UGT1A9: variants seen among roughly 807,000 people sequenced by gnomAD.
The protein encoded by UGT1A9 is UDP glucuronosyltransferase family 1 member A9.
A neutral mutation model predicts 45.0 loss-of-function variants in UGT1A9; 35 were observed. The observed-to-expected ratio is 0.78, with a 90% CI of 0.59 to 1.03. UGT1A9 has a LOEUF of 1.03. Among genes scored for constraint, UGT1A9 ranks in the 50% least tolerant of loss-of-function variants. The pLI is 0.00. For synonymous variants in UGT1A9, 278 were observed against 250.6 expected, an observed-to-expected ratio of 1.11 and a Z score of -1.03; for missense variants, 687 against 666.6, an observed-to-expected ratio of 1.03 and a Z score of -0.34.
In UGT1A9 at chr2:233,713,489, G is replaced by A. The variant is rs17868332; in HGVS notation, c.855+40700G>A. On this transcript the variant is annotated intron_variant, in intron 1 of 4. Transcript: ENST00000354728. ...CGGCGGTGCTGGCTAAGTACCTGTC[G>A]ATTCCTGCTGTGTTTTTCTTGAGGA... 26 of 1,613,820 alleles carry A rather than the reference G, an allele frequency of 1.6e-5. No individual in the cohort carries two copies. In the Admixed American group the frequency reaches 2.0e-4, roughly 12 times the overall value.
rs745434750 is a variant in UGT1A9, at chr2:233,672,662, A to G, written c.728A>G (p.Asp243Gly). ...CTCCAAACACCTGTTACGGAGTATGATCTCTACAGCCACACATCAATTTGG... is the reference window on the plus strand; with the variant it reads ...CTCCAAACACCTGTTACGGAGTATGGTCTCTACAGCCACACATCAATTTGG... Reference protein sequence around the residue: ...EILQTPVTEYDLYSHTSIWLL... With the variant: ...EILQTPVTEYGLYSHTSIWLL... Residue 243 changes from aspartate (D) to glycine (G), a missense_variant, in exon 1 of 5, where the codon GAT becomes GGT. Transcript: ENST00000354728. The G allele has an allele frequency of 8.1e-6, 13 of 1,613,884 alleles. No individual in the cohort carries two copies. Among genetic ancestry groups the G allele is most frequent in the East Asian group, 2.2e-5 (1 of 44,882 alleles).
intron 1 of UGT1A9, chr2:233,755,466 T>C: frequency 4.1e-6 from 1 of 241,540 alleles, no homozygotes; most frequent in Non-Finnish European, 8.3e-6. Context: ...CCCTGCTCTC[T>C]GTGAGGCTCT....
In UGT1A9 at chr2:233,725,191, CAGAGGCAGAGGCAGAGGCAGAGGCAGA is replaced by C. The variant is rs1559370256; in HGVS notation, c.856-41842_856-41816del. 1.2e-4 allele frequency among the ~76,000 whole-genome samples: 9 copies of C among 75,260 alleles called. 2 individuals are homozygous for C. Among genetic ancestry groups the C allele is most frequent in the South Asian group, 1.2e-3 (2 of 1,722 alleles). 49.4% of individuals were successfully genotyped at this position (75,260 alleles called of 152,430 possible). A position where few individuals can be genotyped will look rare whatever the true frequency, so the allele number is the denominator to read the frequency against. On this transcript the variant is annotated intron_variant, in intron 1 of 4. Coordinates refer to ENST00000354728, the MANE Select transcript of UGT1A9 (RefSeq NM_021027.3). Reference sequence around the variant, plus strand: ...GGGAGACCGTGGGGAGAGGCAGAGGCAGAGGCAGAGGCAGAGGCAGAGGCAGAGGAGGCAGAGGCAGAGGAGGCAGAG... The same window carrying C: ...GGGAGACCGTGGGGAGAGGCAGAGGCGGAGGCAGAGGCAGAGGAGGCAGAG...
At chr2:233,717,241 C>T (rs1043328555) in intron 1 of UGT1A9, among the ~76,000 whole-genome samples, 3 of 152,144 alleles carry the variant, frequency 2.0e-5, no homozygotes, top group African/African-American at 7.2e-5. Flanking sequence ...AAGATGCAGA[C>T]AGTTTTAAGG....
chr2:233,754,768 C>T, intron 1 of UGT1A9: 1 of 1,017,180 alleles, frequency 9.8e-7, no homozygotes, highest in Non-Finnish European at 1.4e-6. Context: ...CCCCCACTTC[C>T]CAGGGAGCCA....
rs2074809604 is a variant in UGT1A9, at chr2:233,686,880, C to T, written c.855+14091C>T. ...TCTTTCCTTTCTGTCACTTTTTCTG[C>T]ATGATTCCTGCCCCAGAGGGGTCAA... On this transcript the variant is annotated intron_variant, in intron 1 of 4. Transcript: ENST00000354728. Among the ~76,000 whole-genome samples the T allele has an allele frequency of 2.0e-5, 3 of 152,168 alleles. No homozygotes were observed. In the South Asian group the frequency reaches 6.2e-4, roughly 32 times the overall value.
intron 1 of UGT1A9, among the ~76,000 whole-genome samples, chr2:233,718,521 C>T (rs879860533): frequency 7.2e-5 from 11 of 152,180 alleles, no homozygotes; most frequent in Non-Finnish European, 1.5e-4. Flanking sequence ...AATGGGTGTC[C>T]ACAGCCTTGT....
intron 1 of UGT1A9, chr2:233,740,870 A>G (rs528081181): frequency 3.3e-5 from 5 of 151,856 alleles, no homozygotes; most frequent in Non-Finnish European, 7.3e-5. Context: ...TTCTTTAAAT[A>G]AAATGCTCTT....
intron 1 of UGT1A9, among the ~76,000 whole-genome samples, chr2:233,679,814 T>C (rs1281333604): frequency 1.3e-5 from 2 of 152,192 alleles, no homozygotes; most frequent in East Asian, 1.9e-4. Flanking sequence ...CTTTAAGTTG[T>C]CATAAAATGA....
Position 233,722,490 on chromosome 2 carries a change from A to G in UGT1A9, c.856-44544A>G, listed in dbSNP as rs147045039. Among the ~76,000 whole-genome samples the G allele has an allele frequency of 2.3e-3, 357 of 152,016 alleles. 2 individuals are homozygous for G. Among genetic ancestry groups the G allele is most frequent in the East Asian group, 0.02 (103 of 5,174 alleles). ...ATTTGTATATTCTTTTCACTGTTTC[A>G]TTTTCCGTTTCGTTAATTGCAGCTT... On this transcript the variant is annotated intron_variant, in intron 1 of 4. Coordinates refer to ENST00000354728, the MANE Select transcript of UGT1A9 (RefSeq NM_021027.3).
intron 1 of UGT1A9, among the ~76,000 whole-genome samples, chr2:233,725,807 A>G (rs2077476703): frequency 6.6e-6 from 1 of 152,102 alleles, no homozygotes; most frequent in Non-Finnish European, 1.5e-5. Context: ...CTTAAAATCC[A>G]TTTTATTGGA....
At chr2:233,678,006 T>C (rs941610830) in intron 1 of UGT1A9, among the ~76,000 whole-genome samples, 2 of 152,154 alleles carry the variant, frequency 1.3e-5, no homozygotes, top group Non-Finnish European at 2.9e-5. Context: ...AATGAAATCA[T>C]GTCCTTTGTA....
At chr2:233,705,423 T>C (rs935031731) in intron 1 of UGT1A9, among the ~76,000 whole-genome samples, 2 of 152,256 alleles carry the variant, frequency 1.3e-5, no homozygotes, top group Non-Finnish European at 2.9e-5. Context: ...CAGAGGTGGC[T>C]CATAACTTAT....
intron 1 of UGT1A9, among the ~76,000 whole-genome samples, chr2:233,677,488 G>T (rs2074391808): frequency 6.6e-6 from 1 of 152,070 alleles, no homozygotes; most frequent in South Asian, 2.1e-4. Flanking sequence ...CACATAGTTT[G>T]TATGTTATTA....
At chr2:233,759,284 T>G (rs1280598347) in intron 1 of UGT1A9, among the ~76,000 whole-genome samples, 1 of 152,192 alleles carries the variant, frequency 6.6e-6, no homozygotes, top group Non-Finnish European at 1.5e-5. Flanking sequence ...GATTGGTTGA[T>G]GAAGCTGAGC....
chr2:233,761,212 G>A (rs1200424446), intron 1 of UGT1A9: 5 of 1,613,556 alleles, frequency 3.1e-6, no homozygotes, highest in Non-Finnish European at 2.5e-6. Flanking sequence ...ACTTTGGATC[G>A]ATTAACTAGC....
intron 1 of UGT1A9, among the ~76,000 whole-genome samples, chr2:233,730,808 C>A (rs2078077498): frequency 6.6e-6 from 1 of 152,092 alleles, no homozygotes; most frequent in Non-Finnish European, 1.5e-5. Flanking sequence ...GGACATGCGT[C>A]CAAGAAGGGA....
intron 1 of UGT1A9, among the ~76,000 whole-genome samples, chr2:233,696,122 C>T (rs1486929400): frequency 2.6e-5 from 4 of 152,170 alleles, no homozygotes; most frequent in Non-Finnish European, 5.9e-5. Flanking sequence ...AGAACTAGAA[C>T]TGCCCCAATA....
chr2:233,755,337 A>G (rs1695871666), intron 1 of UGT1A9: 2 of 434,782 alleles, frequency 4.6e-6, no homozygotes, highest in Admixed American at 3.7e-5. Flanking sequence ...ACCCGCGCAC[A>G]GGTCAGAGGC....
Sources: allele counts gnomAD v4.1 joint callset (sites outside exome capture counted in the v4.1 genomes callset), GRCh38; gene constraint gnomAD v4.1.1; transcripts MANE v1.5; gene names NCBI Gene and HGNC (gene_info 2026-07-23, HGNC 2026-07-21).